The following OR2T12 variants were observed in gnomAD, a reference collection of about 807,000 sequenced individuals.
The protein encoded by OR2T12 is olfactory receptor 2T12.
For synonymous variants in OR2T12, 127 were observed against 160.5 expected (o/e 0.79, Z 1.58); for missense variants, 335 against 404.3 (o/e 0.83, Z 1.47).
chr1:248,300,732 T>C (rs1027665903), intron 2 of OR2T12, among the ~76,000 whole-genome samples: 1 of 152,090 alleles, frequency 6.6e-6, no homozygotes, highest in Non-Finnish European at 1.5e-5. Flanking sequence ...TAAAACGGTA[T>C]TACCTCAGAT....
chr1:248,298,974 C>A (rs369153199), intron 2 of OR2T12, among the ~76,000 whole-genome samples: 1 of 152,126 alleles, frequency 6.6e-6, no homozygotes, highest in South Asian at 2.1e-4. Flanking sequence ...ACTTTACAGA[C>A]AAGCAAATGC....
Position 248,292,972 on chromosome 1 carries a change from T to A in OR2T12, c.*1644A>T, listed in dbSNP as rs2103036775. ...ATTTTCACCCATTCTAAGAGAAGAT[T>A]TTTTAGATGGTATAATGACAGAATT... On this transcript the variant is annotated 3_prime_UTR_variant, in exon 3 of 3. Transcript: ENST00000641276. The A allele has an allele frequency of 6.6e-6, 1 of 152,240 alleles. No homozygotes were observed. The highest frequency in any genetic ancestry group is 2.1e-4 in the South Asian group (1 of 4,824). The allele number at this position is 152,240 out of a possible 1,614,324, so 9.4% of individuals were successfully genotyped here.
intron 2 of OR2T12, among the ~76,000 whole-genome samples, chr1:248,299,182 A>G (rs564882835): frequency 6.6e-6 from 1 of 152,290 alleles, no homozygotes; most frequent in Admixed American, 6.5e-5. Flanking sequence ...TTCACACATA[A>G]CAATATTAAC....
chr1:248,301,491 T>A lies in OR2T12; in HGVS notation c.-127A>T, dbSNP rs1659810490. ...GGATTCCAAGAGGTATTTGTATATA[T>A]TCCTATAAAAATGGATCTGTGGTGA... is the stretch of plus-strand genomic sequence containing the variant. On this transcript the variant is annotated 5_prime_UTR_variant, in exon 2 of 3. Transcript: ENST00000641276. 6.6e-6 allele frequency: 1 copy of A among 152,040 alleles called. No homozygotes were observed. Among genetic ancestry groups the A allele is most frequent in the Admixed American group, 6.6e-5 (1 of 15,250 alleles). The allele number at this position is 152,040 out of a possible 1,614,324, so 9.4% of individuals were successfully genotyped here. A position where few individuals can be genotyped will look rare whatever the true frequency, so the allele number is the denominator to read the frequency against.
At chr1:248,298,319 G>T (rs1398360892) in intron 2 of OR2T12, among the ~76,000 whole-genome samples, 1 of 151,942 alleles carries the variant, frequency 6.6e-6, no homozygotes, top group East Asian at 1.9e-4. Context: ...TCTCTTTTTT[G>T]GTTGTGTCTC....
chr1:248,298,192 C>T (rs186996824), intron 2 of OR2T12, among the ~76,000 whole-genome samples: 3 of 152,066 alleles, frequency 2.0e-5, no homozygotes, highest in East Asian at 1.9e-4. Context: ...TGCATCCCAG[C>T]GATGAAGCCC....
rs549916777 is a variant in OR2T12 at position 248,294,893 on chromosome 1, G to A, written c.686C>T (p.Thr229Ile). 1 of 1,612,046 alleles carries A rather than the reference G, an allele frequency of 6.2e-7. No individual in the cohort carries two copies. The highest frequency in any genetic ancestry group is 1.1e-5 in the South Asian group (1 of 90,990). Reference protein sequence around the residue: ...ILAAVLLMRSTEARKKAFATC... With the variant: ...ILAAVLLMRSIEARKKAFATC... ...GGCAAAGGCCTTCTTGCGGGCTTCT[G>A]TAGAGCGCATGAGCAGAACAGCAGC... The change falls in exon 3 of 3, where the codon ACA (threonine) becomes ATA (isoleucine). Residue 229 changes from threonine to isoleucine, a missense_variant. Thr to Ile is a moderately conservative substitution (Grantham distance 89, BLOSUM62 -1). Coordinates refer to ENST00000641276, the MANE Select transcript of OR2T12 (RefSeq NM_001004692.2).
intron 2 of OR2T12, among the ~76,000 whole-genome samples, chr1:248,297,563 C>A (rs1659749204): frequency 6.6e-6 from 1 of 152,206 alleles, no homozygotes; most frequent in East Asian, 1.9e-4. Flanking sequence ...TTAAAGAGGT[C>A]CTTCACGTCC....
At chr1:248,300,067 A>G (rs954990105) in intron 2 of OR2T12, among the ~76,000 whole-genome samples, 2 of 152,252 alleles carry the variant, frequency 1.3e-5, no homozygotes, top group African/African-American at 4.8e-5. Context: ...GCATGTGCAC[A>G]TTGTGCACAT....
intron 2 of OR2T12, among the ~76,000 whole-genome samples, chr1:248,297,858 A>C (rs1302359131): frequency 6.7e-6 from 1 of 150,074 alleles, no homozygotes; most frequent in African/African-American, 2.5e-5. Context: ...GTCCTGCCTA[A>C]TTGCCCTGGC....
intron 1 of OR2T12, among the ~76,000 whole-genome samples, chr1:248,303,105 T>C (rs1027291313): frequency 2.0e-5 from 3 of 152,068 alleles, no homozygotes; most frequent in African/African-American, 4.8e-5. Flanking sequence ...CCAGGACATA[T>C]CAAAACAAAA....
Position 248,290,432 on chromosome 1 carries a change from T to C in OR2T12, c.*4184A>G, listed in dbSNP as rs888301389. On this transcript the variant is annotated 3_prime_UTR_variant, in exon 3 of 3. Transcript: ENST00000641276. ...GGCTGTATAGTATTTGTGGTGTATA[T>C]GTGCCACAGCTACTTTAGCCAGTCT... The C allele has an allele frequency of 2.6e-5, 4 of 152,228 alleles. No homozygotes were observed. The highest frequency in any genetic ancestry group is 9.6e-5 in the African/African-American group (4 of 41,460). 9.4% of individuals were successfully genotyped at this position (152,228 alleles called of 1,614,324 possible).
At position 248,295,659 on chromosome 1, in the gene OR2T12, C is replaced by T. The variant is rs148984043; in HGVS notation, c.-8-73G>A. 1,017 of 1,515,216 alleles carry T rather than the reference C, an allele frequency of 6.7e-4. 4 individuals are homozygous for T. The African/African-American group carries it at 0.013, about 19-fold the overall frequency. The allele number at this position is 1,515,216 out of a possible 1,614,324, so 93.9% of individuals were successfully genotyped here. A position where few individuals can be genotyped will look rare whatever the true frequency, so the allele number is the denominator to read the frequency against. ...TGGTCTGAATAACTGTTTGACTGCA[C>T]AGTTTCTGGACATATGTACTGGATA... On this transcript the variant is annotated intron_variant, in intron 2 of 2. Transcript: ENST00000641276.
At chr1:248,301,806 T>G (rs1659815038) in intron 1 of OR2T12, among the ~76,000 whole-genome samples, 1 of 152,132 alleles carries the variant, frequency 6.6e-6, no homozygotes, top group African/African-American at 2.4e-5. Context: ...ATTAACCTCA[T>G]CATGTCTGCA....
rs10736378 is a variant in OR2T12 at position 248,292,467 on chromosome 1, T to A, written c.*2149A>T. ...TAAAAGCTTCCAGAGACAATGTATC[T>A]TCAATATAAGTGTCTGAAAGTTAAC... On this transcript the variant is annotated 3_prime_UTR_variant, in exon 3 of 3. Transcript: ENST00000641276. The A allele has an allele frequency of 2.0e-5, 3 of 151,866 alleles. No homozygotes were observed. Among genetic ancestry groups the A allele is most frequent in the East Asian group, 1.9e-4 (1 of 5,182 alleles). 9.4% of individuals were successfully genotyped at this position (151,866 alleles called of 1,614,324 possible). A position where few individuals can be genotyped will look rare whatever the true frequency, so the allele number is the denominator to read the frequency against.
intron 2 of OR2T12, among the ~76,000 whole-genome samples, chr1:248,296,195 T>C (rs12138966): frequency 0.16 from 23,636 of 152,196 alleles, 2,505 homozygotes; most frequent in East Asian, 0.38. Context: ...CATCCTTTTT[T>C]ATGGCTGCAT....
At chr1:248,299,467 A>G (rs1233847252) in intron 2 of OR2T12, among the ~76,000 whole-genome samples, 1 of 152,120 alleles carries the variant, frequency 6.6e-6, no homozygotes, top group Non-Finnish European at 1.5e-5. Context: ...AAAGGGATGA[A>G]TTCAACAAGA....
chr1:248,294,497 A>T lies in OR2T12; in HGVS notation c.*119T>A. ...ACAATTGGCTCACTTCATTCTTAAAAATATCTTATTATATCAATACACAAA... is the reference window on the plus strand; with the variant it reads ...ACAATTGGCTCACTTCATTCTTAAATATATCTTATTATATCAATACACAAA... On this transcript the variant is annotated 3_prime_UTR_variant, in exon 3 of 3. Transcript: ENST00000641276. The T allele has an allele frequency of 7.4e-7, 1 of 1,342,774 alleles. No homozygotes were observed. Among genetic ancestry groups the T allele is most frequent in the East Asian group, 2.3e-5 (1 of 43,044 alleles). The allele number at this position is 1,342,774 out of a possible 1,614,324, so 83.2% of individuals were successfully genotyped here.
Position 248,295,465 on chromosome 1 carries a change from A to C in OR2T12, c.114T>G (p.Phe38Leu), listed in dbSNP as rs1354199878. The C allele has an allele frequency of 6.2e-7, 1 of 1,612,756 alleles. No homozygotes were observed. The highest frequency in any genetic ancestry group is 1.3e-5 in the African/African-American group (1 of 74,190). ...TCAGGAGAATCATGAGGGCATTGCT[A>C]AACAGGGAGGTCAAAACGGTGGCCA... ...MLLATVLTSL[F>L]SNALMILLIH... Residue 38 changes from phenylalanine to leucine, a missense_variant, in exon 3 of 3, where the codon TTT (phenylalanine) becomes TTG (leucine). Transcript: ENST00000641276.
Sources: allele counts gnomAD v4.1 joint callset (sites outside exome capture counted in the v4.1 genomes callset), GRCh38; gene constraint gnomAD v4.1.1; transcripts MANE v1.5; gene names NCBI Gene and HGNC (gene_info 2026-07-23, HGNC 2026-07-21).